RNF126: variants seen among roughly 807,000 people sequenced by gnomAD.
The protein encoded by RNF126 is ring finger protein 126.
In RNF126, 20 loss-of-function variants were observed where a neutral mutation model predicts 41.9. That is an observed-to-expected ratio of 0.48 (90% confidence interval 0.34 to 0.69). The LOEUF is 0.69. RNF126 is among the 30% of genes least tolerant of loss of function. The pLI is 0.01. For synonymous variants in RNF126, 239 were observed against 202.9 expected (o/e 1.18, Z -1.51); for missense variants, 433 against 460.6 (o/e 0.94, Z 0.55).
At chr19:651,577 G>A in intron 4 of RNF126, 34 bp downstream of exon 4, 2 of 1,390,602 alleles carry the variant, frequency 1.4e-6, no homozygotes, top group Non-Finnish European at 1.9e-6. Context: ...CTCAAGGCGT[G>A]GGGCCCTCGC....
chr19:651,938 A>G, intron 3 of RNF126, 83 bp from the exon 4 acceptor site: 1 of 1,331,408 alleles, frequency 7.5e-7, no homozygotes, highest in Non-Finnish European at 1.0e-6. Flanking sequence ...GACAAAGGAG[A>G]AAGCAAGACG....
In RNF126 at chr19:652,249, C is replaced by A; in HGVS notation, c.182G>T (p.Ser61Ile). The change falls in exon 3 of 9, where the codon AGC (serine) becomes ATC (isoleucine). Residue 61 changes from serine (S) to isoleucine (I), a missense_variant. Ser to Ile is a moderately radical substitution (Grantham distance 142, BLOSUM62 -2). This residue lies in a region of RNF126 where 247 missense variants were observed against 224.7 expected (regional missense o/e 1.10). Coordinates refer to ENST00000292363, the MANE Select transcript of RNF126 (RefSeq NM_194460.3). ...GCGACTCACCTCCAACGGTGGCCGGCTCTGGTCTGTGGGAGCTGTGGAGGG... is the reference window on the plus strand; with the variant it reads ...GCGACTCACCTCCAACGGTGGCCGGATCTGGTCTGTGGGAGCTGTGGAGGG... ...SAPSTAPTDQ[S>I]RPPLEHVDQH... 6.5e-7 allele frequency: 1 copy of A among 1,543,022 alleles called. No homozygotes were observed. Among genetic ancestry groups the A allele is most frequent in the Non-Finnish European group, 8.7e-7 (1 of 1,155,848 alleles).
chr19:651,363 AGCACGTGGGCCTGGCAGGCACACG>A (rs1267140482), intron 4 of RNF126: 2 of 381,578 alleles, frequency 5.2e-6, no homozygotes, highest in African/African-American at 4.3e-5. Flanking sequence ...CAGTCTCCAG[AGCACGTGGGCCTGGCAGGCACACG>A]GTGCCCCACT....
chr19:655,170 C>T (rs2030508140), intron 1 of RNF126, among the ~76,000 whole-genome samples: 1 of 151,876 alleles, frequency 6.6e-6, no homozygotes, highest in Non-Finnish European at 1.5e-5. Flanking sequence ...GCTGGGTATG[C>T]TGGGGTGGGT....
intron 1 of RNF126, among the ~76,000 whole-genome samples, chr19:653,796 T>C (rs2030438409): frequency 6.6e-6 from 1 of 152,194 alleles, no homozygotes; most frequent in South Asian, 2.1e-4. Flanking sequence ...CAGTCTCAAG[T>C]GCTCCATCGC....
intron 2 of RNF126, chr19:652,500 G>A (rs1446712639): frequency 1.7e-6 from 1 of 600,288 alleles, no homozygotes; most frequent in African/African-American, 1.9e-5. Context: ...AACCGGTGCA[G>A]ACCCCAACAG....
rs985180871 is a variant in RNF126, at chr19:651,751, C to T, written c.303G>A (p.Gln101=). The T allele has an allele frequency of 1.9e-6, 3 of 1,612,644 alleles. No homozygotes were observed. Among genetic ancestry groups the T allele is most frequent in the Middle Eastern group, 1.6e-4 (1 of 6,062 alleles). The change falls in exon 4 of 9, where the codon CAG becomes CAA. Residue 101 remains glutamine, a synonymous_variant. Transcript: ENST00000292363. ...FEIPTFPPGA[Q]ADDGRDPESR... is the part of the protein sequence containing the mutation. ...TCTCAGGGTCCCTGCCGTCGTCAGCCTGCGCCCCAGGAGGGAACGTGGGGA... is the reference window on the plus strand; with the variant it reads ...TCTCAGGGTCCCTGCCGTCGTCAGCTTGCGCCCCAGGAGGGAACGTGGGGA...
chr19:651,629 C>T lies in RNF126; in HGVS notation c.425G>A (p.Gly142Asp), dbSNP rs1261881468. The change falls in exon 4 of 9, where the codon GGC becomes GAC. Residue 142 changes from glycine to aspartate, a missense_variant. By Grantham distance (94) the Gly-to-Asp change is moderately conservative. Around this residue, in one of 5 missense-constraint regions of RNF126, gnomAD observed 247 missense variants for 224.7 expected, o/e 1.10. Coordinates refer to ENST00000292363, the MANE Select transcript of RNF126 (RefSeq NM_194460.3). ...CCCTCACCCTTCCAGCGTGGGGACG[C>T]CTTCGTGCCGGCCGGTGGCCCGCCG... The part of the protein sequence containing the change: ...TTRRATGRHE[G>D]VPTLEGIIQQ... 2.7e-6 allele frequency: 4 copies of T among 1,465,394 alleles called. No individual in the cohort carries two copies. The highest frequency in any genetic ancestry group is 5.2e-5 in the Admixed American group (2 of 38,794). The allele number at this position is 1,465,394 out of a possible 1,614,324, so 90.8% of individuals were successfully genotyped here.
In RNF126 at chr19:652,748, C is replaced by T. The variant is rs974420071; in HGVS notation, c.134+78G>A. 24 of 1,382,280 alleles carry T rather than the reference C, an allele frequency of 1.7e-5. 1 individual carries two copies. In the East Asian group the frequency reaches 1.9e-4, roughly 11 times the overall value. The allele number at this position is 1,382,280 out of a possible 1,614,324, so 85.6% of individuals were successfully genotyped here. A position where few individuals can be genotyped will look rare whatever the true frequency, so the allele number is the denominator to read the frequency against. On this transcript the variant is annotated intron_variant, in intron 2 of 8. Transcript: ENST00000292363. ...ACGGCCCCACACTCGGCGGGGCGGACGCCAGCACAGCCCACACCCCTACAA... is the reference window on the plus strand; with the variant it reads ...ACGGCCCCACACTCGGCGGGGCGGATGCCAGCACAGCCCACACCCCTACAA...
In RNF126 at chr19:648,182, C is replaced by T. The variant is rs571628663; in HGVS notation, c.882G>A (p.Ser294=). ...TGGGCGAGCTGGAGGAGGACGATGACGACGAGGAGGAGAAGCTCACCCCAG... is the reference window on the plus strand; with the variant it reads ...TGGGCGAGCTGGAGGAGGACGATGATGACGAGGAGGAGAAGCTCACCCCAG... The part of the protein sequence containing the change: ...GLTGVSFSSS[S]SSSSSSSPSN... Residue 294 remains serine, a synonymous_variant, in exon 9 of 9, where the codon TCG becomes TCA. Transcript: ENST00000292363. 93 of 1,606,920 alleles carry T rather than the reference C, an allele frequency of 5.8e-5. No homozygotes were observed. The highest frequency in any genetic ancestry group is 6.8e-5 in the Non-Finnish European group (80 of 1,175,902).
At chr19:657,977 G>C (rs1045358558) in intron 1 of RNF126, among the ~76,000 whole-genome samples, 1 of 152,092 alleles carries the variant, frequency 6.6e-6, no homozygotes, top group Admixed American at 6.5e-5. Context: ...GGGCAAGGGG[G>C]CCTGGTGAAG....
chr19:663,105 G>C lies in RNF126; in HGVS notation c.17C>G (p.Pro6Arg). MAEAS[P>R]HPGRYFCHCC... ...GTGGCAGAAGTACCGTCCGGGATGC[G>C]GCGACGCCTCGGCCATGGCCGCCGC... Residue 6 changes from proline (P) to arginine (R), a missense_variant, in exon 1 of 9, where the codon CCG (proline) becomes CGG (arginine). By Grantham distance (103) the Pro-to-Arg change is moderately radical. Coordinates refer to ENST00000292363, the MANE Select transcript of RNF126 (RefSeq NM_194460.3). The C allele has an allele frequency of 7.5e-7, 1 of 1,338,022 alleles. No individual in the cohort carries two copies. Among genetic ancestry groups the C allele is most frequent in the Non-Finnish European group, 9.6e-7 (1 of 1,037,782 alleles). 82.9% of individuals were successfully genotyped at this position (1,338,022 alleles called of 1,614,324 possible).
At position 659,566 on chromosome 19, in the gene RNF126, G is replaced by A. The variant is rs1346826351; in HGVS notation, c.75+3481C>T. ...TCCCTGCGCCCGCCTGGTTCCTGGG[G>A]GCTCAGTGCCCTCAGCAGCTCTCGC... On this transcript the variant is annotated intron_variant, in intron 1 of 8. Transcript: ENST00000292363. The surrounding 1 kb of genome is among the most constrained non-coding windows in gnomAD (Gnocchi z 4.9). Among the ~76,000 whole-genome samples the A allele has an allele frequency of 6.6e-6, 1 of 152,138 alleles. No homozygotes were observed. The highest frequency in any genetic ancestry group is 1.5e-5 in the Non-Finnish European group (1 of 68,008).
intron 1 of RNF126, among the ~76,000 whole-genome samples, chr19:655,300 C>G (rs1030874802): frequency 6.6e-6 from 1 of 151,474 alleles, no homozygotes; most frequent in Non-Finnish European, 1.5e-5. Flanking sequence ...ACTGCGCTAG[C>G]CTGGGTGACA....
At chr19:656,177 T>G (rs2030556322) in intron 1 of RNF126, among the ~76,000 whole-genome samples, 1 of 151,938 alleles carries the variant, frequency 6.6e-6, no homozygotes, top group Non-Finnish European at 1.5e-5. Flanking sequence ...AATTATATGG[T>G]GTGTGAAAAT....
chr19:652,567 G>A, intron 2 of RNF126: 1 of 605,052 alleles, frequency 1.7e-6, no homozygotes, highest in Non-Finnish European at 2.9e-6. Context: ...CGGAGGGCCT[G>A]GGTCACCAGA....
rs1439603244 is a variant in RNF126, at chr19:659,551, C to T, written c.75+3496G>A. Among the ~76,000 whole-genome samples, 1 of 152,202 alleles carries T rather than the reference C, an allele frequency of 6.6e-6. No individual in the cohort carries two copies. Among genetic ancestry groups the T allele is most frequent in the African/African-American group, 2.4e-5 (1 of 41,444 alleles). ...GCACGCAGGGCCACCTCCCTGCGCCCGCCTGGTTCCTGGGGGCTCAGTGCC... is the reference window on the plus strand; with the variant it reads ...GCACGCAGGGCCACCTCCCTGCGCCTGCCTGGTTCCTGGGGGCTCAGTGCC... On this transcript the variant is annotated intron_variant, in intron 1 of 8. Coordinates refer to ENST00000292363, the MANE Select transcript of RNF126 (RefSeq NM_194460.3). This position sits in a 1 kb window ranked among gnomAD's most constrained non-coding sequence, Gnocchi z 4.9.
At chr19:652,549 C>T (rs561804684) in intron 2 of RNF126, 28 of 602,632 alleles carry the variant, frequency 4.6e-5, no homozygotes, top group East Asian at 3.9e-4. Context: ...CCCCCGTGGC[C>T]CCTTCCCCGG....
chr19:648,249 CT>C lies in RNF126; in HGVS notation c.814del (p.Ser272AlafsTer17). 1.3e-6 allele frequency: 2 copies of C among 1,584,244 alleles called. No homozygotes were observed. The highest frequency in any genetic ancestry group is 1.1e-5 in the South Asian group (1 of 87,082). On this transcript the variant is annotated frameshift_variant, in exon 9 of 9. Coordinates refer to ENST00000292363, the MANE Select transcript of RNF126 (RefSeq NM_194460.3). LOFTEE classifies it high-confidence loss of function. ...QHDSCPVCRKSLTGQNTATNP... is the reference protein window; with the variant it reads ...QHDSCPVCRKXLTGQNTATNP... ...CGTGGCCGTGTTCTGTCCCGTGAGGCTTTTTCGGCAGACGGGGCAGCTGTCG... is the reference window on the plus strand; with the variant it reads ...CGTGGCCGTGTTCTGTCCCGTGAGGCTTTTCGGCAGACGGGGCAGCTGTCG...
Sources: allele counts gnomAD v4.1 joint callset (sites outside exome capture counted in the v4.1 genomes callset), GRCh38; gene constraint gnomAD v4.1.1; regional missense constraint gnomAD v4.1.1; non-coding constraint Gnocchi (gnomAD v3.1); transcripts MANE v1.5; gene names NCBI Gene and HGNC (gene_info 2026-07-23, HGNC 2026-07-21).